PRKAG2: variants seen among roughly 807,000 people sequenced by gnomAD.
PRKAG2 encodes the protein protein kinase AMP-activated non-catalytic subunit gamma 2, also known as 5'-AMP-activated protein kinase subunit gamma-2.
Under a neutral mutation model 69.6 loss-of-function variants are expected in PRKAG2, and 26 were observed. The observed-to-expected ratio is 0.37, with a 90% CI of 0.27 to 0.52. PRKAG2 has a LOEUF of 0.52. PRKAG2 is among the 20% of genes least tolerant of loss of function. PRKAG2 has a pLI of 0.90. For synonymous variants in PRKAG2, 293 were observed against 285.0 expected, an observed-to-expected ratio of 1.03 and a Z score of -0.28; for missense variants, 557 against 740.0, an observed-to-expected ratio of 0.75 and a Z score of 2.87.
intron 1 of PRKAG2, chr7:151,809,286 C>A (rs1000777194): frequency 2.2e-6 from 1 of 456,622 alleles, no homozygotes; most frequent in South Asian, 1.5e-5. Context: ...TCCCACACAC[C>A]CCTACCCCGA....
chr7:151,588,612 G>A (rs934615849), intron 6 of PRKAG2, among the ~76,000 whole-genome samples: 12 of 152,022 alleles, frequency 7.9e-5, no homozygotes, highest in Admixed American at 2.6e-4. Context: ...CACCTGCCTC[G>A]GCCTCCCAAA....
chr7:151,851,690 G>A (rs1490110631), intron 1 of PRKAG2, among the ~76,000 whole-genome samples: 1 of 152,204 alleles, frequency 6.6e-6, no homozygotes, highest in Non-Finnish European at 1.5e-5. Context: ...GCCCCACTCT[G>A]CATGCTGGTG....
intron 2 of PRKAG2, among the ~76,000 whole-genome samples, chr7:151,782,156 G>A (rs1040984994): frequency 1.3e-5 from 2 of 151,860 alleles, no homozygotes; most frequent in Non-Finnish European, 2.9e-5. Context: ...GGTGGCGGGC[G>A]CCTGTAATCC....
intron 3 of PRKAG2, among the ~76,000 whole-genome samples, chr7:151,691,866 CT>C (rs1835719373): frequency 6.6e-6 from 1 of 152,198 alleles, no homozygotes; most frequent in African/African-American, 2.4e-5. Flanking sequence ...TTTTCAGTGG[CT>C]CTATTCATAG....
chr7:151,693,855 C>G (rs1214985604), intron 3 of PRKAG2, among the ~76,000 whole-genome samples: 1 of 152,226 alleles, frequency 6.6e-6, no homozygotes, highest in Non-Finnish European at 1.5e-5. Flanking sequence ...GCCTCCAGAA[C>G]TGTGAGAAAG....
intron 4 of PRKAG2, among the ~76,000 whole-genome samples, chr7:151,639,092 C>T (rs1268617751): frequency 1.3e-5 from 2 of 152,152 alleles, no homozygotes; most frequent in Non-Finnish European, 2.9e-5. Context: ...GTCCAGGTCT[C>T]AGTCCCAGCC....
intron 1 of PRKAG2, among the ~76,000 whole-genome samples, chr7:151,832,595 T>TGG (rs34839120): frequency 0.42 from 59,453 of 141,268 alleles, 13,180 homozygotes; most frequent in Middle Eastern, 0.61. Flanking sequence ...GAGGCATCTC[T>TGG]GGGGGGGGGG....
At chr7:151,702,539 A>G (rs970154235) in intron 3 of PRKAG2, among the ~76,000 whole-genome samples, 1 of 152,136 alleles carries the variant, frequency 6.6e-6, no homozygotes, top group Non-Finnish European at 1.5e-5. Context: ...TCCTCTCCCC[A>G]TCTGCCAGGA....
chr7:151,673,020 A>G lies in PRKAG2; in HGVS notation c.684+2400T>C, dbSNP rs1350981413. 3.3e-5 allele frequency among the ~76,000 whole-genome samples: 5 copies of G among 152,118 alleles called. No homozygotes were observed. The South Asian group carries it at 8.3e-4, about 25-fold the overall frequency. On this transcript the variant is annotated intron_variant, in intron 4 of 15. Coordinates refer to ENST00000287878, the MANE Select transcript of PRKAG2 (RefSeq NM_016203.4). ...GGGTATAAACAGTTGGGTTATAAGG[A>G]GATAAGAACACCACTTTCCTGTTAC...
chr7:151,784,339 G>A (rs1275342387), intron 2 of PRKAG2, among the ~76,000 whole-genome samples: 1 of 152,194 alleles, frequency 6.6e-6, no homozygotes, highest in African/African-American at 2.4e-5. Context: ...CCGAGCCAAT[G>A]CAAATGTCCA....
chr7:151,646,377 C>T (rs183510120), intron 4 of PRKAG2, among the ~76,000 whole-genome samples: 1 of 152,222 alleles, frequency 6.6e-6, no homozygotes, highest in East Asian at 1.9e-4. Flanking sequence ...TAGTTTTCAC[C>T]ATGGAGGTCT....
chr7:151,613,713 G>A (rs1819428319), intron 5 of PRKAG2, among the ~76,000 whole-genome samples: 1 of 151,222 alleles, frequency 6.6e-6, no homozygotes, highest in Non-Finnish European at 1.5e-5. Flanking sequence ...GGTCAGGCTG[G>A]TCTTGAACTC....
chr7:151,762,482 G>C (rs1197859727), intron 3 of PRKAG2, among the ~76,000 whole-genome samples: 1 of 152,216 alleles, frequency 6.6e-6, no homozygotes, highest in Non-Finnish European at 1.5e-5. Context: ...CCACCACTGA[G>C]AGGCAGTGTC....
intron 3 of PRKAG2, among the ~76,000 whole-genome samples, chr7:151,773,028 AGAGAGAGAGAGAGAGAGAGAG>A (rs1376306455): frequency 0.011 from 582 of 50,790 alleles, 21 homozygotes; most frequent in Admixed American, 0.046. Flanking sequence ...AAAGAAAGAG[AGAGAGAGAGAGAGAGAGAGAG>A]AGAGGGAGGG....
chr7:151,700,823 G>T (rs1004808096), intron 3 of PRKAG2, among the ~76,000 whole-genome samples: 1 of 152,124 alleles, frequency 6.6e-6, no homozygotes, highest in Admixed American at 6.6e-5. Context: ...GGGGAGCCTG[G>T]CCTTGTGCCG....
At chr7:151,703,715 A>G (rs886959413) in intron 3 of PRKAG2, among the ~76,000 whole-genome samples, 4 of 151,888 alleles carry the variant, frequency 2.6e-5, no homozygotes, top group African/African-American at 9.7e-5. Flanking sequence ...ATTTAAAAAA[A>G]TTTTTTTGGC....
intron 3 of PRKAG2, among the ~76,000 whole-genome samples, chr7:151,701,801 C>T (rs541098519): frequency 2.0e-5 from 3 of 150,340 alleles, no homozygotes; most frequent in Non-Finnish European, 4.4e-5. Flanking sequence ...CGAGATTGCG[C>T]CACTGCACTC....
chr7:151,761,710 G>A (rs544699275), intron 3 of PRKAG2, among the ~76,000 whole-genome samples: 15 of 152,252 alleles, frequency 9.9e-5, no homozygotes, highest in South Asian at 4.1e-4. Flanking sequence ...TTACTGTGAC[G>A]CCGTGGTCTC....
intron 14 of PRKAG2, among the ~76,000 whole-genome samples, chr7:151,562,952 CT>C (rs1274610232): frequency 1.8e-5 from 2 of 110,804 alleles, no homozygotes; most frequent in Non-Finnish European, 2.0e-5. Context: ...AAGACTCCGT[CT>C]CAAAAAAAAA....
Sources: gnomAD v4.1 joint callset for allele counts (sites outside exome capture counted in the v4.1 genomes callset) on GRCh38, gnomAD v4.1.1 for gene constraint, MANE v1.5 for transcripts, NCBI Gene and HGNC (gene_info 2026-07-23, HGNC 2026-07-21) for gene names.